The following PACRGL variants were observed in gnomAD, a reference collection of about 807,000 sequenced individuals.
PACRGL encodes PACRG-like protein.
A neutral mutation model predicts 34.5 loss-of-function variants in PACRGL; 38 were observed. The observed-to-expected ratio is 1.10, with a 90% CI of 0.85 to 1.44. The LOEUF (loss-of-function observed/expected upper bound fraction) is 1.44, where lower values mean the gene tolerates loss of function less well. Among genes scored for constraint, PACRGL ranks in the 40% most tolerant of loss-of-function variants. The pLI is 0.00. For synonymous variants in PACRGL, 128 were observed against 100.1 expected, an observed-to-expected ratio of 1.28 and a Z score of -1.66; for missense variants, 305 against 281.4, an observed-to-expected ratio of 1.08 and a Z score of -0.60.
chr4:20,727,474 C>A lies in PACRGL; in HGVS notation c.*133C>A. ...TTTACTAGGTTAAGATGAATAGACA[C>A]TGAATCAAAGTTATTCATCAACAAA... On this transcript the variant is annotated 3_prime_UTR_variant, in exon 9 of 9. Transcript: ENST00000503585. 1 of 661,006 alleles carries A rather than the reference C, an allele frequency of 1.5e-6. No individual in the cohort carries two copies. Among genetic ancestry groups the A allele is most frequent in the Non-Finnish European group, 2.5e-6 (1 of 392,318 alleles). 40.9% of individuals were successfully genotyped at this position (661,006 alleles called of 1,614,324 possible).
chr4:20,745,787 G>A (rs1368136610), intron 8 of PACRGL, among the ~76,000 whole-genome samples: 3 of 152,092 alleles, frequency 2.0e-5, no homozygotes, highest in Non-Finnish European at 4.4e-5. Flanking sequence ...CACTATGCTG[G>A]GGACAATCCT....
Position 20,713,490 on chromosome 4 carries a change from T to C in PACRGL, c.560T>C (p.Val187Ala). The C allele has an allele frequency of 1.2e-6, 2 of 1,613,746 alleles. No individual in the cohort carries two copies. The highest frequency in any genetic ancestry group is 2.2e-5 in the East Asian group (1 of 44,852). Residue 187 changes from valine to alanine, a missense_variant, in exon 7 of 9, where the codon GTC (valine) becomes GCC (alanine). By Grantham distance (64) the Val-to-Ala change is moderately conservative (BLOSUM62 0). Coordinates refer to ENST00000503585, the MANE Select transcript of PACRGL (RefSeq NM_001258345.3). ...TTGAATGCTCTAGTTCAGCTAAGTGTCGTTGTTGGTCCTTCTCTAAACGAC... is the reference window on the plus strand; with the variant it reads ...TTGAATGCTCTAGTTCAGCTAAGTGCCGTTGTTGGTCCTTCTCTAAACGAC... ...RGLNALVQLSVVVGPSLNDHL... is the reference protein window; with the variant it reads ...RGLNALVQLSAVVGPSLNDHL...
rs1042116685 is a variant in PACRGL at position 20,731,632 on chromosome 4, A to G, written c.*4291A>G. The G allele has an allele frequency of 5.1e-6, 5 of 985,298 alleles. No individual in the cohort carries two copies. Among genetic ancestry groups the G allele is most frequent in the African/African-American group, 1.7e-5 (1 of 57,354 alleles). The allele number at this position is 985,298 out of a possible 1,614,324, so 61.0% of individuals were successfully genotyped here. The stretch of plus-strand genomic sequence containing the variant: ...GTTGTGATGCCATACTTGGCTATCT[A>G]GGAATTCTAATGCTGTGGAGATATG... On this transcript the variant is annotated 3_prime_UTR_variant, in exon 9 of 9. Coordinates refer to ENST00000503585, the MANE Select transcript of PACRGL (RefSeq NM_001258345.3).
intron 1 of PACRGL, among the ~76,000 whole-genome samples, chr4:20,704,218 T>G (rs184126020): frequency 8.0e-4 from 122 of 152,282 alleles, no homozygotes; most frequent in Non-Finnish European, 1.3e-3. Context: ...TTTTGACAAT[T>G]TGAATGGAAA....
rs12640715 is a variant in PACRGL, at chr4:20,726,713, A to C, written c.691-572A>C. Among the ~76,000 whole-genome samples, 353 of 152,322 alleles carry C rather than the reference A, an allele frequency of 2.3e-3. 8 individuals are homozygous for C. In the South Asian group the frequency reaches 0.046, roughly 20 times the overall value. ...ACTATTCAACTTTTGGATACAGGAA[A>C]ATATCTGTTACAGATAGTCACAGTG... is the stretch of plus-strand genomic sequence containing the variant. On this transcript the variant is annotated intron_variant, in intron 8 of 8. Transcript: ENST00000503585.
chr4:20,707,750 G>A (rs1578145281), intron 3 of PACRGL, 53 bp from the exon 4 acceptor site: 1 of 1,466,736 alleles, frequency 6.8e-7, no homozygotes, highest in Admixed American at 1.7e-5. Context: ...ATGGCTGTGT[G>A]CTTCTGACCT....
At chr4:20,758,706 A>T in the PACRGL span, 2 of 798,038 alleles carry the variant, frequency 2.5e-6, no homozygotes, top group Non-Finnish European at 4.2e-6. Flanking sequence ...GCTGTGCATT[A>T]ATTCTTTTAC....
the PACRGL span, among the ~76,000 whole-genome samples, chr4:20,764,659 G>C: frequency 6.9e-6 from 1 of 144,916 alleles, no homozygotes; most frequent in African/African-American, 2.6e-5. Context: ...AGGAGCTACC[G>C]ACTAGAATCA....
the PACRGL span, among the ~76,000 whole-genome samples, chr4:20,760,879 T>C: frequency 6.6e-6 from 1 of 152,254 alleles, no homozygotes; most frequent in African/African-American, 2.4e-5. Context: ...TGATGGTTGA[T>C]TTTATGTGTT....
At chr4:20,742,631 C>T (rs549027058) in intron 8 of PACRGL, among the ~76,000 whole-genome samples, 11 of 152,192 alleles carry the variant, frequency 7.2e-5, no homozygotes, top group African/African-American at 2.6e-4. Flanking sequence ...AAAAACTGGA[C>T]TCATTCCCTT....
chr4:20,741,083 G>C (rs1279833619), intron 8 of PACRGL, among the ~76,000 whole-genome samples: 1 of 152,148 alleles, frequency 6.6e-6, no homozygotes, highest in African/African-American at 2.4e-5. Flanking sequence ...AGTCCTTAGA[G>C]ATCTACAAAG....
downstream of PACRGL, chr4:20,734,839 AT>A: frequency 1.8e-6 from 1 of 568,562 alleles, no homozygotes; most frequent in South Asian, 2.7e-5. Flanking sequence ...GATCTTGAAC[AT>A]TTAGCAAAAT....
chr4:20,764,717 A>G, the PACRGL span, among the ~76,000 whole-genome samples: 4 of 131,082 alleles, frequency 3.1e-5, no homozygotes, highest in Non-Finnish European at 6.5e-5. Flanking sequence ...CAACCCCATG[A>G]ACAAACAGCA....
intron 8 of PACRGL, chr4:20,749,688 C>T: frequency 6.2e-7 from 1 of 1,609,408 alleles, no homozygotes; most frequent in Non-Finnish European, 8.5e-7. Context: ...CCATTGTGGT[C>T]TGTATCAAAT....
Position 20,731,610 on chromosome 4 carries a change from GT to G in PACRGL, c.*4270del. On this transcript the variant is annotated 3_prime_UTR_variant, in exon 9 of 9. Transcript: ENST00000503585. ...AAATCAGATAGAAGCTTGGCCTGTT[GT>G]GATGCCATACTTGGCTATCTAGGAA... 2 of 985,104 alleles carry G rather than the reference GT, an allele frequency of 2.0e-6. No homozygotes were observed. Among genetic ancestry groups the G allele is most frequent in the Non-Finnish European group, 2.4e-6 (2 of 829,650 alleles). 61.0% of individuals were successfully genotyped at this position (985,104 alleles called of 1,614,324 possible).
At chr4:20,716,090 A>C in intron 7 of PACRGL, 1 of 1,520,116 alleles carries the variant, frequency 6.6e-7, no homozygotes, top group East Asian at 2.5e-5. Flanking sequence ...TTAATCTTTA[A>C]TATAAATATT....
chr4:20,753,904 T>G (rs1419023775), downstream of PACRGL, among the ~76,000 whole-genome samples: 2 of 66,338 alleles, frequency 3.0e-5, no homozygotes, highest in Admixed American at 4.4e-4. Context: ...TTGAGCTCAT[T>G]TGTTCATTCA....
At chr4:20,738,076 A>G (rs1043916876) in intron 8 of PACRGL, among the ~76,000 whole-genome samples, 1 of 151,942 alleles carries the variant, frequency 6.6e-6, no homozygotes, top group Non-Finnish European at 1.5e-5. Context: ...GCTACAGTGA[A>G]CTATGATTGC....
the PACRGL span, among the ~76,000 whole-genome samples, chr4:20,764,789 G>A: frequency 6.6e-6 from 1 of 152,024 alleles, no homozygotes; most frequent in Non-Finnish European, 1.5e-5. Flanking sequence ...ACATTGAGGC[G>A]TTTGGACAGG....
Sources: allele counts gnomAD v4.1 joint callset (sites outside exome capture counted in the v4.1 genomes callset), GRCh38; gene constraint gnomAD v4.1.1; transcripts MANE v1.5; gene names NCBI Gene and HGNC (gene_info 2026-07-23, HGNC 2026-07-21).